The following CTBP2 variants were observed in gnomAD, a reference collection of about 807,000 sequenced individuals.
The protein encoded by CTBP2 is C-terminal binding protein 2, also known as C-terminal-binding protein 2.
In CTBP2, 30 loss-of-function variants were observed where a neutral mutation model predicts 80.3. The ratio of observed to expected loss-of-function variants is 0.37; its 90% CI spans 0.28 to 0.51. CTBP2 has a LOEUF of 0.51. CTBP2 is among the 20% of genes least tolerant of loss of function. The pLI is 0.93. For missense variants in CTBP2, 1,212 were observed against 1,375.3 expected (o/e 0.88, Z 1.88); for synonymous variants, 594 against 587.4 (o/e 1.01, Z -0.16).
At chr10:125,067,660 A>C (rs568638413) in intron 2 of CTBP2, among the ~76,000 whole-genome samples, 1 of 152,352 alleles carries the variant, frequency 6.6e-6, no homozygotes, top group African/African-American at 2.4e-5. Context: ...AGAGAAATCA[A>C]AGGAAAATAT....
intron 2 of CTBP2, among the ~76,000 whole-genome samples, chr10:125,062,409 T>C (rs1021634699): frequency 1.2e-4 from 18 of 151,908 alleles, no homozygotes; most frequent in Admixed American, 1.2e-3. Flanking sequence ...GGACATCTGC[T>C]TTTTTAAGTC....
At chr10:125,158,516 T>TATAGA (rs1262280544) in intron 1 of CTBP2, 2 of 152,248 alleles carry the variant, frequency 1.3e-5, no homozygotes, top group South Asian at 4.1e-4. Context: ...AATGCATATT[T>TATAGA]ATAGAATAGA....
At chr10:125,156,120 C>T (rs1182704327) in intron 1 of CTBP2, among the ~76,000 whole-genome samples, 1 of 152,146 alleles carries the variant, frequency 6.6e-6, no homozygotes, top group Non-Finnish European at 1.5e-5. Context: ...AAATATGTTC[C>T]ACCCTGTGTA....
chr10:125,004,338 G>A (rs79533275), intron 1 of CTBP2, among the ~76,000 whole-genome samples: 2,076 of 152,308 alleles, frequency 0.014, 44 homozygotes, highest in African/African-American at 0.047. Context: ...GACACCCTGC[G>A]GGGCCCGCCC....
intron 2 of CTBP2, among the ~76,000 whole-genome samples, chr10:125,079,245 CAT>C (rs1031831422): frequency 6.6e-6 from 1 of 151,968 alleles, no homozygotes; most frequent in Non-Finnish European, 1.5e-5. Flanking sequence ...CCGGCTCCAC[CAT>C]GTGTGACGCT....
At chr10:125,007,923 G>A (rs1367943199) in intron 1 of CTBP2, among the ~76,000 whole-genome samples, 1 of 151,652 alleles carries the variant, frequency 6.6e-6, no homozygotes, top group Non-Finnish European at 1.5e-5. Flanking sequence ...GATCATTTCT[G>A]ACATAGGAGG....
intron 2 of CTBP2, among the ~76,000 whole-genome samples, chr10:125,103,216 C>T (rs1012623266): frequency 2.6e-5 from 4 of 152,328 alleles, no homozygotes; most frequent in Admixed American, 6.5e-5. Flanking sequence ...ACAGCTGCTG[C>T]GATGCGCTCC....
At chr10:125,005,947 A>G (rs1022551627) in intron 1 of CTBP2, 4 of 1,494,138 alleles carry the variant, frequency 2.7e-6, no homozygotes, top group Non-Finnish European at 1.8e-6. Flanking sequence ...CAGGAAAACC[A>G]CGCTGGGCGC....
rs1058507 is a variant in CTBP2, at chr10:124,988,591, G to T, written c.*927C>A. On this transcript the variant is annotated 3_prime_UTR_variant, in exon 9 of 9. Coordinates refer to ENST00000309035, the MANE Select transcript of CTBP2 (RefSeq NM_022802.3). ...AGACTATGAATAGAACATGTAACTA[G>T]TTGATACAAATCTAATAGGATTTGT... is the stretch of plus-strand genomic sequence containing the variant. 1 of 152,602 alleles carries T rather than the reference G, an allele frequency of 6.6e-6. No homozygotes were observed. Among genetic ancestry groups the T allele is most frequent in the Non-Finnish European group, 1.5e-5 (1 of 68,022 alleles). 9.5% of individuals were successfully genotyped at this position (152,602 alleles called of 1,614,324 possible). A position where few individuals can be genotyped will look rare whatever the true frequency, so the allele number is the denominator to read the frequency against.
intron 1 of CTBP2, among the ~76,000 whole-genome samples, chr10:125,135,654 CA>C (rs1020984020): frequency 6.6e-6 from 1 of 152,232 alleles, no homozygotes; most frequent in Admixed American, 6.5e-5. Flanking sequence ...ACAGGCACCT[CA>C]CCCTATGGAG....
chr10:125,021,663 G>A (rs1353717993), intron 1 of CTBP2, among the ~76,000 whole-genome samples: 1 of 152,184 alleles, frequency 6.6e-6, no homozygotes, highest in Non-Finnish European at 1.5e-5. Context: ...GAAGGGCTGG[G>A]AGTCTCAGGA....
chr10:125,136,912 G>T (rs1047324789), intron 1 of CTBP2, among the ~76,000 whole-genome samples: 2 of 152,174 alleles, frequency 1.3e-5, no homozygotes, highest in Non-Finnish European at 2.9e-5. Context: ...TGAAAGAGCC[G>T]GGAGCGATTT....
intron 1 of CTBP2, among the ~76,000 whole-genome samples, chr10:125,138,543 G>A (rs1397799552): frequency 6.6e-6 from 1 of 151,952 alleles, no homozygotes; most frequent in African/African-American, 2.4e-5. Flanking sequence ...TAACTAAGAG[G>A]CAGAGAAGGA....
chr10:125,026,246 G>A lies in CTBP2; in HGVS notation c.1514C>T (p.Pro505Leu). 1 of 1,613,874 alleles carries A rather than the reference G, an allele frequency of 6.2e-7. No individual in the cohort carries two copies. The change falls in exon 1 of 9, where the codon CCT becomes CTT. Residue 505 changes from proline to leucine, a missense_variant. This residue lies in a region of CTBP2 where 848 missense variants were observed against 782.3 expected (regional missense o/e 1.08). Transcript: ENST00000309035. The stretch of plus-strand genomic sequence containing the variant: ...CCGCAAGACCTGGGGGCTGCCGTGA[G>A]GGCTGGGCAGCGGAGAGGCGGCCAC...
chr10:125,100,964 A>G lies in CTBP2; in HGVS notation c.-102+10026T>C, dbSNP rs117491151. ...TTTTACTAAATTCTTCTATCCTAAT[A>G]GGTGTTTCTCTTTTATGGCCAGAAC... On this transcript the variant is annotated intron_variant, in intron 2 of 10. Coordinates refer to the CTBP2 transcript ENST00000337195. Among the ~76,000 whole-genome samples the G allele has an allele frequency of 5.3e-4, 80 of 152,348 alleles. No individual in the cohort carries two copies. In the East Asian group the frequency reaches 0.015, roughly 28 times the overall value.
chr10:125,075,732 G>C (rs1241925994), intron 2 of CTBP2, among the ~76,000 whole-genome samples: 3 of 152,206 alleles, frequency 2.0e-5, no homozygotes, highest in African/African-American at 4.8e-5. Context: ...AGATTAAAAC[G>C]TGCTGAGGTT....
rs1291993686 is a variant in CTBP2 at position 125,079,153 on chromosome 10, A to G, written c.-102+31837T>C. ...CAGAGTGAGACCTTGTCTCGAGGAA[A>G]AAAAAAAAAAAAAAAAAAAGGTGGA... On this transcript the variant is annotated intron_variant, in intron 2 of 10. Coordinates refer to the CTBP2 transcript ENST00000337195. Among the ~76,000 whole-genome samples the G allele has an allele frequency of 2.0e-3, 149 of 73,144 alleles. 2 individuals carry two copies. The Middle Eastern group carries it at 0.04, about 20-fold the overall frequency. The allele number at this position is 73,144 out of a possible 152,430, so 48.0% of individuals were successfully genotyped here. A position where few individuals can be genotyped will look rare whatever the true frequency, so the allele number is the denominator to read the frequency against.
At chr10:125,155,086 A>T (rs1012499854) in intron 1 of CTBP2, among the ~76,000 whole-genome samples, 1 of 152,208 alleles carries the variant, frequency 6.6e-6, no homozygotes, top group Non-Finnish European at 1.5e-5. Context: ...AACTCTTACT[A>T]TCTGCCGTTA....
intron 1 of CTBP2, among the ~76,000 whole-genome samples, chr10:125,126,047 A>C (rs769719454): frequency 6.6e-6 from 1 of 152,234 alleles, no homozygotes; most frequent in Non-Finnish European, 1.5e-5. Flanking sequence ...GCAGGAGTGG[A>C]CTGAGGTTGC....
Sources: gnomAD v4.1 joint callset for allele counts (sites outside exome capture counted in the v4.1 genomes callset) on GRCh38, gnomAD v4.1.1 for gene constraint, gnomAD v4.1.1 regional missense constraint, MANE v1.5 for transcripts, NCBI Gene and HGNC (gene_info 2026-07-23, HGNC 2026-07-21) for gene names.